The following PPME1 variants were observed in gnomAD, a reference collection of about 807,000 sequenced individuals.
PPME1 encodes the protein testicular secretory protein Li 39.
PPME1 carries 17 observed loss-of-function variants against 56.9 expected under a neutral mutation model. That is an observed-to-expected ratio of 0.30 (90% CI 0.20 to 0.45). The LOEUF (loss-of-function observed/expected upper bound fraction) is 0.45. Ranked by LOEUF, PPME1 falls within the 20% of genes least tolerant of loss-of-function variation. The pLI, the probability that PPME1 is intolerant of heterozygous loss-of-function variation, is 1.00. For missense variants in PPME1, 357 were observed against 483.2 expected (o/e 0.74, Z 2.45); for synonymous variants, 122 against 156.2 (o/e 0.78, Z 1.63).
At chr11:74,228,937 ATCGCT>A (rs1858997848) in intron 5 of PPME1, among the ~76,000 whole-genome samples, 1 of 152,202 alleles carries the variant, frequency 6.6e-6, no homozygotes. Context: ...ACTATTTGTT[ATCGCT>A]TTGGATGACT....
intron 5 of PPME1, among the ~76,000 whole-genome samples, chr11:74,228,472 A>G (rs778254349): frequency 6.6e-6 from 1 of 152,094 alleles, no homozygotes; most frequent in Non-Finnish European, 1.5e-5. Flanking sequence ...TGAGGTTGCA[A>G]TTTTTTGAAT....
intron 3 of PPME1, among the ~76,000 whole-genome samples, chr11:74,213,682 CTCTG>C (rs769445778): frequency 3.3e-5 from 5 of 152,240 alleles, no homozygotes; most frequent in Admixed American, 3.3e-4. Flanking sequence ...GTGTAAGAAT[CTCTG>C]TCTGGTAATC....
rs116878207 is a variant in PPME1, at chr11:74,242,502, C to T, written c.834+3246C>T. Among the ~76,000 whole-genome samples the T allele has an allele frequency of 8.5e-3, 1,292 of 152,200 alleles. 13 individuals carry two copies. Among genetic ancestry groups the T allele is most frequent in the Non-Finnish European group, 0.013 (888 of 68,012 alleles). On this transcript the variant is annotated intron_variant, in intron 9 of 13. Transcript: ENST00000328257. ...TAATACTTGTTTATGTGCCAGACCA[C>T]GCTCCTGTTGTTTTACATACATGAG...
At chr11:74,198,899 T>A in intron 1 of PPME1, 1 of 152,170 alleles carries the variant, frequency 6.6e-6, no homozygotes, top group East Asian at 1.9e-4. Flanking sequence ...GTTGGGCCAC[T>A]CCAAAAAATC....
At chr11:74,212,929 G>T (rs1858517894) in intron 3 of PPME1, among the ~76,000 whole-genome samples, 1 of 152,164 alleles carries the variant, frequency 6.6e-6, no homozygotes, top group Non-Finnish European at 1.5e-5. Flanking sequence ...TCCCAGCTGT[G>T]GTGGCTATGA....
intron 3 of PPME1, among the ~76,000 whole-genome samples, chr11:74,221,599 G>A (rs1037054155): frequency 2.0e-5 from 3 of 151,942 alleles, no homozygotes; most frequent in African/African-American, 7.3e-5. Flanking sequence ...AAAATGTGAC[G>A]GCTAGACTAG....
chr11:74,229,279 T>C (rs117589757), intron 5 of PPME1, among the ~76,000 whole-genome samples: 2 of 152,268 alleles, frequency 1.3e-5, no homozygotes, highest in Non-Finnish European at 2.9e-5. Context: ...GACAAAACTT[T>C]CTTTTGAAGT....
Position 74,203,794 on chromosome 11 carries a change from A to G in PPME1, c.168A>G (p.Val56=), listed in dbSNP as rs371531817. Residue 56 remains valine, a synonymous_variant, in exon 2 of 14, where the codon GTA becomes GTG. Transcript: ENST00000328257. ...WSQYFESMED[V]EVENETGKDT... ...AGTATTTTGAGTCCATGGAAGATGTAGAAGTAGAGAATGAAACTGGCAAGG... is the reference window on the plus strand; with the variant it reads ...AGTATTTTGAGTCCATGGAAGATGTGGAAGTAGAGAATGAAACTGGCAAGG... The G allele has an allele frequency of 1.5e-5, 24 of 1,611,740 alleles. No homozygotes were observed. Among genetic ancestry groups the G allele is most frequent in the Non-Finnish European group, 2.0e-5 (23 of 1,178,724 alleles).
Position 74,251,313 on chromosome 11 carries a change from G to A in PPME1, c.1074+295G>A, listed in dbSNP as rs1020510935. 5 of 1,363,582 alleles carry A rather than the reference G, an allele frequency of 3.7e-6. No individual in the cohort carries two copies. The African/African-American group carries it at 7.3e-5, about 20-fold the overall frequency. 84.5% of individuals were successfully genotyped at this position (1,363,582 alleles called of 1,614,324 possible). A position where few individuals can be genotyped will look rare whatever the true frequency, so the allele number is the denominator to read the frequency against. On this transcript the variant is annotated intron_variant, in intron 12 of 13. Transcript: ENST00000328257. ...CAAAAGCCAGAGATGGAAGAGGGAT[G>A]ATTAGGGTAGAAACTGCTCCCTAAA...
At chr11:74,207,394 T>C (rs190398228) in intron 3 of PPME1, among the ~76,000 whole-genome samples, 3 of 152,210 alleles carry the variant, frequency 2.0e-5, no homozygotes, top group Admixed American at 2.0e-4. Flanking sequence ...AAACCATTTA[T>C]ACCTTGGCTT....
chr11:74,243,143 CCAA>C (rs1287719458), intron 9 of PPME1, among the ~76,000 whole-genome samples: 5 of 152,036 alleles, frequency 3.3e-5, no homozygotes, highest in Admixed American at 3.3e-4. Flanking sequence ...TTTCTCCCAC[CCAA>C]CAACAAGTGG....
intron 1 of PPME1, among the ~76,000 whole-genome samples, chr11:74,174,137 T>TTCA (rs141137327): frequency 0.13 from 19,889 of 152,044 alleles, 3,562 homozygotes; most frequent in African/African-American, 0.41. Context: ...ATTTCACCAC[T>TTCA]TCATGTAGTT....
intron 3 of PPME1, among the ~76,000 whole-genome samples, chr11:74,217,541 C>CAAAAAAAAAAAAAAAAAAAAAGAAA (rs1858683539): frequency 1.3e-5 from 1 of 79,034 alleles, no homozygotes; most frequent in Non-Finnish European, 2.4e-5. Context: ...GACTCCGTCT[C>CAAAAAAAAAAAAAAAAAAAAAGAAA]AAAAAAAAAA....
chr11:74,205,939 A>G (rs992736046), intron 3 of PPME1: 1 of 152,184 alleles, frequency 6.6e-6, no homozygotes, highest in Non-Finnish European at 1.5e-5. Context: ...ATGTATATGT[A>G]TTTAACTATT....
intron 4 of PPME1, 129 bp from the exon 5 acceptor site, chr11:74,225,076 C>G (rs776337356): frequency 1.1e-4 from 65 of 599,370 alleles, no homozygotes; most frequent in Middle Eastern, 4.5e-4. Flanking sequence ...AAAATCCTTG[C>G]TAAACTCATT....
At chr11:74,236,643 G>C (rs1859197420) in intron 8 of PPME1, among the ~76,000 whole-genome samples, 1 of 152,174 alleles carries the variant, frequency 6.6e-6, no homozygotes, top group African/African-American at 2.4e-5. Context: ...TAAAAGAAGA[G>C]TGATACAGTG....
chr11:74,186,109 A>C (rs1391672140), intron 1 of PPME1, among the ~76,000 whole-genome samples: 1 of 152,212 alleles, frequency 6.6e-6, no homozygotes, highest in Non-Finnish European at 1.5e-5. Context: ...AGCACATGGT[A>C]AATCAGTATT....
At chr11:74,186,308 TCTTCTCCCA>T (rs1857680871) in intron 1 of PPME1, among the ~76,000 whole-genome samples, 1 of 152,144 alleles carries the variant, frequency 6.6e-6, no homozygotes, top group African/African-American at 2.4e-5. Context: ...GCTACAAGGT[TCTTCTCCCA>T]ATCATTACTA....
intron 7 of PPME1, among the ~76,000 whole-genome samples, chr11:74,231,589 A>G (rs527350658): frequency 7.9e-5 from 12 of 152,326 alleles, no homozygotes; most frequent in Admixed American, 7.8e-4. Context: ...TCTGAAACCC[A>G]TTGTTTTCCC....
Sources: allele counts gnomAD v4.1 joint callset (sites outside exome capture counted in the v4.1 genomes callset), GRCh38; gene constraint gnomAD v4.1.1; transcripts MANE v1.5; gene names NCBI Gene and HGNC (gene_info 2026-07-23, HGNC 2026-07-21).